The following CDKAL1 variants were observed in gnomAD, a reference collection of about 807,000 sequenced individuals.
CDKAL1 encodes threonylcarbamoyladenosine tRNA methylthiotransferase.
Under a neutral mutation model 68.2 loss-of-function variants are expected in CDKAL1, and 32 were observed. The observed-to-expected ratio is 0.47, with a 90% CI of 0.35 to 0.63. The LOEUF (loss-of-function observed/expected upper bound fraction) is 0.63. CDKAL1 is among the 30% of genes least tolerant of loss of function. The pLI is 0.00. For synonymous variants in CDKAL1, 234 were observed against 244.3 expected, an observed-to-expected ratio of 0.96 and a Z score of 0.39; for missense variants, 606 against 696.7, an observed-to-expected ratio of 0.87 and a Z score of 1.47.
intron 10 of CDKAL1, among the ~76,000 whole-genome samples, chr6:20,962,172 A>G (rs981225547): frequency 4.4e-4 from 67 of 152,372 alleles, no homozygotes; most frequent in African/African-American, 1.6e-3. Context: ...ATATTGCCAA[A>G]CAACATTGAC....
At chr6:20,959,944 G>A (rs548583317) in intron 10 of CDKAL1, among the ~76,000 whole-genome samples, 1 of 152,266 alleles carries the variant, frequency 6.6e-6, no homozygotes, top group East Asian at 1.9e-4. Context: ...CATGAGACCA[G>A]TGATAGTGGT....
chr6:20,928,160 G>A lies in CDKAL1; in HGVS notation c.743-27259G>A, dbSNP rs554488245. 1.1e-4 allele frequency among the ~76,000 whole-genome samples: 16 copies of A among 152,264 alleles called. No individual in the cohort carries two copies. The East Asian group carries it at 3.1e-3, about 29-fold the overall frequency. ...CAATCAATAGTAACCATCCTCAGCT[G>A]ATGGAGTGATCGTTTTACAATCACA... is the stretch of plus-strand genomic sequence containing the variant. On this transcript the variant is annotated intron_variant, in intron 9 of 15. Transcript: ENST00000274695.
intron 4 of CDKAL1, among the ~76,000 whole-genome samples, chr6:20,604,257 T>C (rs1404392993): frequency 6.6e-6 from 1 of 151,930 alleles, no homozygotes; most frequent in Non-Finnish European, 1.5e-5. Flanking sequence ...TCTTCATGGG[T>C]TCAACAATAA....
At chr6:20,788,405 A>T (rs145316643) in intron 8 of CDKAL1, among the ~76,000 whole-genome samples, 1 of 152,324 alleles carries the variant, frequency 6.6e-6, no homozygotes, top group Admixed American at 6.5e-5. Context: ...AGCTGTGGTT[A>T]TTATTCATGT....
At chr6:20,823,090 A>G (rs979600118) in intron 8 of CDKAL1, among the ~76,000 whole-genome samples, 2 of 152,092 alleles carry the variant, frequency 1.3e-5, no homozygotes, top group African/African-American at 4.8e-5. Context: ...TGTCTCTCTC[A>G]CATACATATA....
At chr6:21,076,598 T>C (rs1772089022) in intron 12 of CDKAL1, among the ~76,000 whole-genome samples, 1 of 152,244 alleles carries the variant, frequency 6.6e-6, no homozygotes, top group Admixed American at 6.5e-5. Flanking sequence ...GTCAGATTTT[T>C]TAATTAAATT....
Position 20,846,075 on chromosome 6 carries a change from G to A in CDKAL1, c.639G>A (p.Gly213=), listed in dbSNP as rs1778364734. ...PLIEIISINT[G]CLNACTYCKT... is the part of the protein sequence containing the mutation. ...TTATTTATTGTTATCATTTGAACAG[G>A]TGTCTCAATGCTTGTACCTACTGCA... Residue 213 remains glycine, a splice_region_variant and synonymous_variant, in exon 9 of 16, where the codon GGG becomes GGA. Coordinates refer to ENST00000274695, the MANE Select transcript of CDKAL1 (RefSeq NM_017774.3). The A allele has an allele frequency of 6.3e-7, 1 of 1,598,590 alleles. No homozygotes were observed.
chr6:20,901,804 T>C (rs1376192791), intron 9 of CDKAL1, among the ~76,000 whole-genome samples: 1 of 151,292 alleles, frequency 6.6e-6, no homozygotes, highest in Non-Finnish European at 1.5e-5. Context: ...TGAGACAGAG[T>C]CTCTCTCTGT....
At chr6:20,805,892 G>A (rs564856968) in intron 8 of CDKAL1, among the ~76,000 whole-genome samples, 16 of 152,264 alleles carry the variant, frequency 1.1e-4, no homozygotes, top group African/African-American at 3.9e-4. Flanking sequence ...ATTTAATGGC[G>A]AGAGCAGTTG....
At chr6:21,181,925 A>T (rs1198229892) in intron 13 of CDKAL1, among the ~76,000 whole-genome samples, 1 of 152,152 alleles carries the variant, frequency 6.6e-6, no homozygotes, top group Non-Finnish European at 1.5e-5. Flanking sequence ...ATTTTCTCTT[A>T]AAGAACTTGT....
chr6:21,030,947 G>T (rs1172275197), intron 11 of CDKAL1, among the ~76,000 whole-genome samples: 6 of 152,052 alleles, frequency 3.9e-5, no homozygotes, highest in African/African-American at 1.4e-4. Flanking sequence ...CTCTGTATTT[G>T]TTTTCTAATG....
intron 4 of CDKAL1, among the ~76,000 whole-genome samples, chr6:20,596,429 A>G (rs1024272485): frequency 6.6e-6 from 1 of 152,188 alleles, no homozygotes; most frequent in African/African-American, 2.4e-5. Context: ...GGCTCTGCCC[A>G]GTTCAAACTT....
At chr6:20,751,859 T>A (rs886346669) in intron 6 of CDKAL1, among the ~76,000 whole-genome samples, 2 of 152,198 alleles carry the variant, frequency 1.3e-5, no homozygotes, top group African/African-American at 2.4e-5. Flanking sequence ...TTTATTTGAA[T>A]TACATGCTAG....
intron 4 of CDKAL1, among the ~76,000 whole-genome samples, chr6:20,607,903 C>T (rs1387379158): frequency 6.6e-6 from 1 of 152,024 alleles, no homozygotes; most frequent in Non-Finnish European, 1.5e-5. Context: ...CCATGTTGGC[C>T]AGGTTGGTCT....
At chr6:21,003,371 T>TACACACACACACACACACACACACAC (rs55839331) in intron 11 of CDKAL1, among the ~76,000 whole-genome samples, 39 of 49,276 alleles carry the variant, frequency 7.9e-4, no homozygotes, top group African/African-American at 2.8e-3. Flanking sequence ...TATATATATA[T>TACACACACACACACACACACACACAC]ACACACACAC....
intron 15 of CDKAL1, among the ~76,000 whole-genome samples, chr6:21,229,343 C>CCTGATAG (rs1262525132): frequency 6.6e-6 from 1 of 152,152 alleles, no homozygotes; most frequent in African/African-American, 2.4e-5. Flanking sequence ...CTGCCGTCAT[C>CCTGATAG]CTGATAGAGG....
intron 10 of CDKAL1, among the ~76,000 whole-genome samples, chr6:20,964,627 A>G (rs1232150501): frequency 2.0e-5 from 3 of 152,148 alleles, no homozygotes; most frequent in East Asian, 3.9e-4. Flanking sequence ...GCGGGGAACA[A>G]CACACACTGG....
At chr6:20,888,023 T>C (rs1228562622) in intron 9 of CDKAL1, among the ~76,000 whole-genome samples, 2 of 152,056 alleles carry the variant, frequency 1.3e-5, no homozygotes, top group Non-Finnish European at 2.9e-5. Flanking sequence ...ATGTGCACAA[T>C]GTGCAGGTTT....
intron 4 of CDKAL1, among the ~76,000 whole-genome samples, chr6:20,554,515 G>A (rs1026350950): frequency 6.6e-6 from 1 of 152,188 alleles, no homozygotes; most frequent in East Asian, 1.9e-4. Flanking sequence ...GCCAAATCTG[G>A]TGAATAAAAT....
Sources: gnomAD v4.1 joint callset for allele counts (sites outside exome capture counted in the v4.1 genomes callset) on GRCh38, gnomAD v4.1.1 for gene constraint, MANE v1.5 for transcripts, NCBI Gene and HGNC (gene_info 2026-07-23, HGNC 2026-07-21) for gene names.